The following PTPRD variants were observed in gnomAD, a reference collection of about 807,000 sequenced individuals.
PTPRD encodes the protein protein tyrosine phosphatase receptor type D, also known as receptor-type tyrosine-protein phosphatase delta.
PTPRD carries 34 observed loss-of-function variants against 214.5 expected under a neutral mutation model. The ratio of observed to expected loss-of-function variants is 0.16; its 90% CI spans 0.12 to 0.21. The LOEUF is 0.21. PTPRD is among the 10% of genes least tolerant of loss of function. The probability of loss-of-function intolerance (pLI) is 1.00; values close to 1 mark genes in which losing one functional copy is unlikely to be tolerated. For synonymous variants in PTPRD, 1,128 were observed against 845.7 expected, an observed-to-expected ratio of 1.33 and a Z score of -5.79; for missense variants, 2,545 against 2,398.7, an observed-to-expected ratio of 1.06 and a Z score of -1.27.
intron 8 of PTPRD, among the ~76,000 whole-genome samples, chr9:9,407,766 C>T (rs888640848): frequency 6.6e-6 from 1 of 151,778 alleles, no homozygotes; most frequent in African/African-American, 2.4e-5. Context: ...ATCTAACACA[C>T]ATAAACTCAT....
At chr9:8,374,792 C>CT (rs1179470081) in intron 39 of PTPRD, among the ~76,000 whole-genome samples, 1 of 151,884 alleles carries the variant, frequency 6.6e-6, no homozygotes, top group Admixed American at 6.6e-5. Flanking sequence ...AAAAGAGAAA[C>CT]TTTATCCTGT....
intron 9 of PTPRD, among the ~76,000 whole-genome samples, chr9:9,250,034 A>T (rs2099974818): frequency 6.6e-6 from 1 of 152,100 alleles, no homozygotes; most frequent in Non-Finnish European, 1.5e-5. Flanking sequence ...ACTACAGTTA[A>T]GTAAGGGGAA....
Position 10,400,125 on chromosome 9 carries a change from T to A in PTPRD, c.-599-59108A>T, listed in dbSNP as rs2098245185. On this transcript the variant is annotated intron_variant, in intron 2 of 45. Coordinates refer to ENST00000381196, the MANE Select transcript of PTPRD (RefSeq NM_002839.4). ...TTCACAGAAGCCAGAGGAAATACAT[T>A]CAATTCTCGTCTCCTTCACTTATGT... is the stretch of plus-strand genomic sequence containing the variant. Among the ~76,000 whole-genome samples the A allele has an allele frequency of 4.0e-5, 6 of 151,812 alleles. No homozygotes were observed. In the Admixed American group the frequency reaches 4.0e-4, roughly 10 times the overall value.
rs189079488 is a variant in PTPRD, at chr9:8,797,529, G to A, written c.-103-63583C>T. 2.3e-3 allele frequency among the ~76,000 whole-genome samples: 351 copies of A among 152,200 alleles called. 8 individuals carry two copies. Among genetic ancestry groups the A allele is most frequent in the Admixed American group, 0.021 (322 of 15,262 alleles). On this transcript the variant is annotated intron_variant, in intron 11 of 45. Coordinates refer to ENST00000381196, the MANE Select transcript of PTPRD (RefSeq NM_002839.4). ...TGCACCATCACACACTATGAAGATCGCCTTGCCCTTGAGATCCCTTACCAC... is the reference window on the plus strand; with the variant it reads ...TGCACCATCACACACTATGAAGATCACCTTGCCCTTGAGATCCCTTACCAC...
chr9:8,795,892 T>G (rs1025048122), intron 11 of PTPRD, among the ~76,000 whole-genome samples: 1 of 152,116 alleles, frequency 6.6e-6, no homozygotes, highest in Non-Finnish European at 1.5e-5. Flanking sequence ...TGCATAAAAG[T>G]ATGCACCAAG....
intron 8 of PTPRD, among the ~76,000 whole-genome samples, chr9:9,492,295 C>G (rs774841425): frequency 6.7e-6 from 1 of 149,006 alleles, no homozygotes; most frequent in Non-Finnish European, 1.5e-5. Flanking sequence ...AACCCTGGAC[C>G]TGATGGACTC....
intron 5 of PTPRD, among the ~76,000 whole-genome samples, chr9:9,828,457 CA>C (rs2053714185): frequency 6.6e-6 from 1 of 151,978 alleles, no homozygotes. Flanking sequence ...ACAATGAGAA[CA>C]CATGGACACA....
chr9:9,764,443 G>C (rs1250069286), intron 6 of PTPRD, among the ~76,000 whole-genome samples: 1 of 152,042 alleles, frequency 6.6e-6, no homozygotes, highest in South Asian at 2.1e-4. Context: ...TCAAAGAAAA[G>C]AGTGCCCACC....
intron 12 of PTPRD, among the ~76,000 whole-genome samples, chr9:8,656,217 T>C (rs897605536): frequency 1.3e-5 from 2 of 152,236 alleles, no homozygotes; most frequent in African/African-American, 4.8e-5. Context: ...GGCCTGGGAA[T>C]TTGTGTCACA....
chr9:9,372,055 A>C (rs575288206), intron 9 of PTPRD, among the ~76,000 whole-genome samples: 51 of 152,258 alleles, frequency 3.3e-4, no homozygotes, highest in African/African-American at 1.2e-3. Context: ...TTTTGGAATA[A>C]GTGCAGTGTG....
chr9:10,186,882 C>G (rs1332780110), intron 3 of PTPRD, among the ~76,000 whole-genome samples: 1 of 151,954 alleles, frequency 6.6e-6, no homozygotes, highest in Non-Finnish European at 1.5e-5. Flanking sequence ...AATTAGGAAA[C>G]CTATTGACTT....
intron 39 of PTPRD, among the ~76,000 whole-genome samples, chr9:8,370,804 T>C (rs1156270922): frequency 6.6e-6 from 1 of 152,014 alleles, no homozygotes; most frequent in Non-Finnish European, 1.5e-5. Flanking sequence ...CTGCCTGATT[T>C]ATAGGGCCAT....
At chr9:8,450,187 T>C (rs2095879554) in intron 33 of PTPRD, among the ~76,000 whole-genome samples, 1 of 152,154 alleles carries the variant, frequency 6.6e-6, no homozygotes, top group Non-Finnish European at 1.5e-5. Flanking sequence ...AGGAACAGGA[T>C]AGGATACCCC....
At chr9:8,706,235 G>A (rs563875473) in intron 12 of PTPRD, among the ~76,000 whole-genome samples, 2 of 152,210 alleles carry the variant, frequency 1.3e-5, no homozygotes, top group Admixed American at 6.5e-5. Context: ...GCTTACTACG[G>A]AAGTTCTTCT....
chr9:10,350,332 T>C (rs1200130776), intron 2 of PTPRD, among the ~76,000 whole-genome samples: 1 of 152,196 alleles, frequency 6.6e-6, no homozygotes, highest in Non-Finnish European at 1.5e-5. Flanking sequence ...ATAGTCATTC[T>C]AAACAATTCT....
At chr9:10,444,629 G>C (rs1460214841) in intron 2 of PTPRD, among the ~76,000 whole-genome samples, 1 of 151,600 alleles carries the variant, frequency 6.6e-6, no homozygotes. Context: ...GAAGATTAAT[G>C]ACAAGTTTAT....
intron 9 of PTPRD, among the ~76,000 whole-genome samples, chr9:9,267,103 G>A (rs973984280): frequency 6.6e-6 from 1 of 151,186 alleles, no homozygotes; most frequent in Non-Finnish European, 1.5e-5. Flanking sequence ...TAATTACCCT[G>A]ATGGATCACC....
chr9:10,362,827 C>G (rs775685150), intron 2 of PTPRD, among the ~76,000 whole-genome samples: 2 of 152,120 alleles, frequency 1.3e-5, no homozygotes, highest in Non-Finnish European at 2.9e-5. Context: ...TGGCAGTGAG[C>G]CGACATCGTG....
chr9:8,348,501 T>C (rs2074498037), intron 39 of PTPRD, among the ~76,000 whole-genome samples: 1 of 152,156 alleles, frequency 6.6e-6, no homozygotes, highest in Non-Finnish European at 1.5e-5. Context: ...ACGGTCTTTG[T>C]TGTCCTTTGA....
Sources: gnomAD v4.1 joint callset for allele counts (sites outside exome capture counted in the v4.1 genomes callset) on GRCh38, gnomAD v4.1.1 for gene constraint, MANE v1.5 for transcripts, NCBI Gene and HGNC (gene_info 2026-07-23, HGNC 2026-07-21) for gene names.